MEMO1: variants seen among roughly 807,000 people sequenced by gnomAD.
MEMO1 encodes protein MEMO1.
A neutral mutation model predicts 45.2 loss-of-function variants in MEMO1; 6 were observed. The ratio of observed to expected loss-of-function variants is 0.13; its 90% CI spans 0.07 to 0.26. The LOEUF (loss-of-function observed/expected upper bound fraction) is 0.26, where lower values mean the gene tolerates loss of function less well. MEMO1 is among the 10% of genes least tolerant of loss of function. The probability of loss-of-function intolerance (pLI) is 1.00; values close to 1 mark genes in which losing one functional copy is unlikely to be tolerated. For missense variants in MEMO1, 184 were observed against 370.5 expected (o/e 0.50, Z 4.13); for synonymous variants, 78 against 124.3 (o/e 0.63, Z 2.48).
At chr2:31,907,594 A>G (rs901165556) in intron 6 of MEMO1, among the ~76,000 whole-genome samples, 1 of 152,196 alleles carries the variant, frequency 6.6e-6, no homozygotes, top group Non-Finnish European at 1.5e-5. Flanking sequence ...CAGGAGTTCA[A>G]GATCAGCCTG....
chr2:31,916,147 T>C (rs1681403079), intron 6 of MEMO1, among the ~76,000 whole-genome samples: 1 of 152,242 alleles, frequency 6.6e-6, no homozygotes, highest in South Asian at 2.1e-4. Flanking sequence ...CATGTTTTAC[T>C]TTTAAAATAA....
intron 2 of MEMO1, among the ~76,000 whole-genome samples, chr2:31,962,030 A>G (rs1002834443): frequency 6.6e-6 from 1 of 151,788 alleles, no homozygotes; most frequent in Non-Finnish European, 1.5e-5. Context: ...AAAAAAAATG[A>G]AGAGGATAAA....
intron 8 of MEMO1, among the ~76,000 whole-genome samples, chr2:31,870,201 G>A (rs1673488191): frequency 6.6e-6 from 1 of 152,066 alleles, no homozygotes; most frequent in African/African-American, 2.4e-5. Flanking sequence ...CTCCAGGTAT[G>A]TTTCTATACT....
intron 8 of MEMO1, 70 bp from the exon 9 acceptor site, chr2:31,870,022 A>G (rs887466249): frequency 5.1e-6 from 6 of 1,180,886 alleles, no homozygotes; most frequent in Non-Finnish European, 6.8e-6. Flanking sequence ...TTTCCTAATT[A>G]TATTTTAAAA....
intron 2 of MEMO1, among the ~76,000 whole-genome samples, chr2:31,961,307 A>G (rs1667980976): frequency 6.6e-6 from 1 of 152,086 alleles, no homozygotes; most frequent in Non-Finnish European, 1.5e-5. Context: ...GTAGTGAGCG[A>G]GATCACACCA....
chr2:31,898,698 G>A (rs1189063127), intron 6 of MEMO1, among the ~76,000 whole-genome samples: 1 of 152,142 alleles, frequency 6.6e-6, no homozygotes, highest in Non-Finnish European at 1.5e-5. Context: ...GTTGATTTGG[G>A]GTAGAGAGTT....
chr2:31,948,961 G>C (rs1487348761), intron 2 of MEMO1, among the ~76,000 whole-genome samples: 1 of 152,088 alleles, frequency 6.6e-6, no homozygotes, highest in Non-Finnish European at 1.5e-5. Flanking sequence ...AATCTTAATA[G>C]ACATTTCTCA....
At chr2:31,895,363 C>T (rs1316171106) in intron 6 of MEMO1, among the ~76,000 whole-genome samples, 2 of 152,114 alleles carry the variant, frequency 1.3e-5, no homozygotes, top group Non-Finnish European at 2.9e-5. Flanking sequence ...CAAAGAACTA[C>T]AGGAAGCCAT....
At chr2:31,869,617 C>A (rs1190263494) in intron 9 of MEMO1, among the ~76,000 whole-genome samples, 2 of 152,036 alleles carry the variant, frequency 1.3e-5, no homozygotes, top group Non-Finnish European at 2.9e-5. Flanking sequence ...ATGTGGGTCT[C>A]TATTCTAAAT....
At chr2:31,903,726 G>A (rs1433194935) in intron 6 of MEMO1, among the ~76,000 whole-genome samples, 1 of 152,042 alleles carries the variant, frequency 6.6e-6, no homozygotes, top group African/African-American at 2.4e-5. Flanking sequence ...AAAAACCTCA[G>A]TAAATGCTCT....
At chr2:31,868,791 C>A (rs1375133990) in intron 9 of MEMO1, among the ~76,000 whole-genome samples, 2 of 152,164 alleles carry the variant, frequency 1.3e-5, no homozygotes, top group East Asian at 1.9e-4. Flanking sequence ...AAATATATTT[C>A]TCTTTACCGT....
intron 2 of MEMO1, among the ~76,000 whole-genome samples, chr2:31,990,558 C>A: frequency 6.9e-6 from 1 of 143,942 alleles, no homozygotes. Flanking sequence ...CTCAAGCCAT[C>A]TAAATTTTTT....
chr2:31,995,922 C>T (rs1672539819), intron 2 of MEMO1, among the ~76,000 whole-genome samples: 1 of 151,994 alleles, frequency 6.6e-6, no homozygotes, highest in South Asian at 2.1e-4. Context: ...ATAAAAAAAT[C>T]ATAGACTTCC....
intron 2 of MEMO1, among the ~76,000 whole-genome samples, chr2:31,953,983 A>T (rs1229008279): frequency 2.0e-5 from 3 of 152,230 alleles, no homozygotes; most frequent in East Asian, 1.9e-4. Context: ...CTGATTTTTT[A>T]AAATCAAAGC....
intron 8 of MEMO1, among the ~76,000 whole-genome samples, chr2:31,882,462 G>C (rs1194068659): frequency 6.6e-6 from 1 of 152,016 alleles, no homozygotes; most frequent in Non-Finnish European, 1.5e-5. Flanking sequence ...AGTTTATTAT[G>C]TTTAAAATAT....
chr2:31,979,925 A>G (rs940216120), intron 2 of MEMO1, among the ~76,000 whole-genome samples: 2 of 151,986 alleles, frequency 1.3e-5, no homozygotes, highest in Non-Finnish European at 2.9e-5. Context: ...TGATATGTAG[A>G]AACTAGCCAT....
chr2:31,985,904 G>A (rs1671200803), intron 2 of MEMO1, among the ~76,000 whole-genome samples: 1 of 152,002 alleles, frequency 6.6e-6, no homozygotes, highest in Non-Finnish European at 1.5e-5. Flanking sequence ...CAAGATGGGA[G>A]GACTGCTTGA....
chr2:31,908,029 TACAACC>T (rs1401831026), intron 6 of MEMO1, among the ~76,000 whole-genome samples: 2 of 152,212 alleles, frequency 1.3e-5, no homozygotes, highest in Non-Finnish European at 2.9e-5. Context: ...AAATTCTTTT[TACAACC>T]ACCACAAAAT....
chr2:31,969,591 G>A (rs1558542017), intron 2 of MEMO1, among the ~76,000 whole-genome samples: 2 of 41,972 alleles, frequency 4.8e-5, no homozygotes, highest in African/African-American at 6.7e-5. Flanking sequence ...GTGTGGGTGT[G>A]TGTGTGTGTG....
Sources: allele counts gnomAD v4.1 joint callset (sites outside exome capture counted in the v4.1 genomes callset), GRCh38; gene constraint gnomAD v4.1.1; transcripts MANE v1.5; gene names NCBI Gene and HGNC (gene_info 2026-07-23, HGNC 2026-07-21).